Variants in METTL21A observed in about 807,000 individuals in gnomAD.
METTL21A encodes the protein protein N-lysine methyltransferase METTL21A.
METTL21A carries 22 observed loss-of-function variants against 20.9 expected under a neutral mutation model. The ratio of observed to expected loss-of-function variants is 1.05; its 90% CI spans 0.75 to 1.50. The LOEUF is 1.50. Among genes scored for constraint, METTL21A ranks in the 40% most tolerant of loss-of-function variants. METTL21A has a pLI of 0.00. For synonymous variants in METTL21A, 93 were observed against 102.0 expected, an observed-to-expected ratio of 0.91 and a Z score of 0.53; for missense variants, 271 against 266.8, an observed-to-expected ratio of 1.02 and a Z score of -0.11.
At chr2:207,624,476 T>G in intron 1 of METTL21A, 72 bp from the exon 2 acceptor site, 1 of 1,328,644 alleles carries the variant, frequency 7.5e-7, no homozygotes, top group South Asian at 1.7e-5. Flanking sequence ...TAACTCCAAA[T>G]GCTTTTAAGG....
At chr2:207,616,522 G>A (rs1340550067) in intron 3 of METTL21A, among the ~76,000 whole-genome samples, 1 of 152,220 alleles carries the variant, frequency 6.6e-6, no homozygotes, top group African/African-American at 2.4e-5. Flanking sequence ...ATTCAAGTGA[G>A]AGATAGGCAG....
rs1215310647 is a variant in METTL21A, at chr2:207,600,777, C to CTCT, written c.260-18620_260-18618dup. Reference sequence around the variant, plus strand: ...TCATCTGGCTGAAGTTTATCTCTGTCTCTCAGGATAAATCCCTGTAGGACA... The same window carrying CTCT: ...TCATCTGGCTGAAGTTTATCTCTGTCTCTTCTCAGGATAAATCCCTGTAGGACA... On this transcript the variant is annotated intron_variant, in intron 3 of 3. Transcript: ENST00000425132. The CTCT allele has an allele frequency of 1.9e-5, 4 of 209,962 alleles. No homozygotes were observed. The Admixed American group carries it at 2.4e-4, about 12-fold the overall frequency. The allele number at this position is 209,962 out of a possible 1,614,324, so 13.0% of individuals were successfully genotyped here.
chr2:207,613,202 A>G, exon 4 of METTL21A: 24 of 1,614,000 alleles, frequency 1.5e-5, no homozygotes, highest in South Asian at 2.2e-5. Context: ...AAAGAATCAC[A>G]GAGTGATTGC....
chr2:207,613,443 C>G (rs1282860306), exon 4 of METTL21A: 1 of 1,573,044 alleles, frequency 6.4e-7, no homozygotes, highest in Non-Finnish European at 8.6e-7. Flanking sequence ...CACATGAGCA[C>G]CTACAATGTG....
intron 3 of METTL21A, among the ~76,000 whole-genome samples, chr2:207,595,612 G>A (rs1010671106): frequency 1.1e-4 from 17 of 152,036 alleles, no homozygotes; most frequent in African/African-American, 4.1e-4. Flanking sequence ...ACCCAGGTTG[G>A]AATGCAGGTG....
chr2:207,621,669 G>A (rs994719529), intron 3 of METTL21A, 137 bp downstream of exon 3: 2 of 694,118 alleles, frequency 2.9e-6, no homozygotes, highest in African/African-American at 3.6e-5. Context: ...CCCAGCAGTT[G>A]GCCCACAACT....
exon 4 of METTL21A, chr2:207,581,811 C>A (rs560750740): frequency 1.4e-6 from 1 of 700,122 alleles, no homozygotes; most frequent in South Asian, 1.5e-5. Context: ...AGTTTGGGTA[C>A]CATATCGCAT....
At chr2:207,603,457 A>C in intron 3 of METTL21A, 1 of 223,980 alleles carries the variant, frequency 4.5e-6, no homozygotes. Context: ...TGGGGATGGG[A>C]TCTCTATATT....
chr2:207,615,377 G>T (rs1179811540), intron 3 of METTL21A, among the ~76,000 whole-genome samples: 1 of 151,858 alleles, frequency 6.6e-6, no homozygotes, highest in African/African-American at 2.4e-5. Context: ...GATCACTGGA[G>T]CCCAGGAGGT....
intron 3 of METTL21A, among the ~76,000 whole-genome samples, chr2:207,594,549 C>T (rs1335186831): frequency 6.6e-6 from 1 of 152,124 alleles, no homozygotes; most frequent in Admixed American, 6.6e-5. Context: ...ATGCAGAGGG[C>T]CTTCCTAAGG....
intron 2 of METTL21A, among the ~76,000 whole-genome samples, chr2:207,623,234 A>C (rs952714483): frequency 4.6e-5 from 7 of 152,192 alleles, no homozygotes; most frequent in African/African-American, 1.7e-4. Context: ...AGTAACTTCC[A>C]TGTAGTTACC....
chr2:207,598,939 T>C (rs997858224), intron 3 of METTL21A: 1 of 183,020 alleles, frequency 5.5e-6, no homozygotes, highest in Non-Finnish European at 1.2e-5. Context: ...AGTCAAGAGT[T>C]ATTTAAGAAA....
At chr2:207,582,293 T>A (rs1300335792) in intron 3 of METTL21A, 5 of 626,394 alleles carry the variant, frequency 8.0e-6, no homozygotes, top group Non-Finnish European at 1.4e-5. Flanking sequence ...CCCACCAGTT[T>A]TAGAATTCAT....
intron 3 of METTL21A, among the ~76,000 whole-genome samples, chr2:207,588,333 C>T (rs2084277390): frequency 6.6e-6 from 1 of 151,772 alleles, no homozygotes; most frequent in African/African-American, 2.4e-5. Context: ...CTCTTTTTTT[C>T]AAAAATTAAT....
chr2:207,590,250 G>A (rs1229543604), intron 3 of METTL21A, among the ~76,000 whole-genome samples: 3 of 151,806 alleles, frequency 2.0e-5, no homozygotes, highest in African/African-American at 7.3e-5. Flanking sequence ...TTCTTTTACT[G>A]TATGGGATGT....
At chr2:207,584,154 A>C (rs2083404930) in intron 3 of METTL21A, among the ~76,000 whole-genome samples, 1 of 152,254 alleles carries the variant, frequency 6.6e-6, no homozygotes, top group South Asian at 2.1e-4. Context: ...CTTTCCATTA[A>C]CATGAGTAAA....
rs113145794 is a variant in METTL21A, at chr2:207,597,017, C to T, written c.260-14857G>A. The T allele has an allele frequency of 2.1e-4, 332 of 1,611,532 alleles. No individual in the cohort carries two copies. In the African/African-American group the frequency reaches 4.1e-3, roughly 20 times the overall value. On this transcript the variant is annotated intron_variant, in intron 3 of 3. Transcript: ENST00000425132. Reference sequence around the variant, plus strand: ...TCAAAACAAGACATTGATTGAGGAGCTAAAAGCACTTAAGGACCTTTACTG... The same window carrying T: ...TCAAAACAAGACATTGATTGAGGAGTTAAAAGCACTTAAGGACCTTTACTG...
Position 207,590,724 on chromosome 2 carries a change from A to G in METTL21A, c.260-8564T>C, listed in dbSNP as rs201205820. ...CACAACTACTCAACTCTGCCGTTGTAATACCAAAGCAGCGATGGATAATAC... is the reference window on the plus strand; with the variant it reads ...CACAACTACTCAACTCTGCCGTTGTGATACCAAAGCAGCGATGGATAATAC... On this transcript the variant is annotated intron_variant, in intron 3 of 3. Transcript: ENST00000425132. 7.2e-5 allele frequency among the ~76,000 whole-genome samples: 11 copies of G among 152,270 alleles called. No homozygotes were observed. The East Asian group carries it at 1.5e-3, about 21-fold the overall frequency.
intron 3 of METTL21A, chr2:207,602,317 A>G (rs1021956803): frequency 7.1e-5 from 14 of 197,092 alleles, no homozygotes; most frequent in Admixed American, 4.3e-4. Context: ...TAGCACAGAA[A>G]GAAAATACTG....
Sources: allele counts gnomAD v4.1 joint callset (sites outside exome capture counted in the v4.1 genomes callset), GRCh38; gene constraint gnomAD v4.1.1; transcripts MANE v1.5; gene names NCBI Gene and HGNC (gene_info 2026-07-23, HGNC 2026-07-21).